The following TMEM116 variants were observed in gnomAD, a reference collection of about 807,000 sequenced individuals.
TMEM116 encodes transmembrane protein 116.
TMEM116 carries 38 observed loss-of-function variants against 44.3 expected under a neutral mutation model. That is an observed-to-expected ratio of 0.86 (90% confidence interval 0.66 to 1.12). TMEM116 has a LOEUF of 1.12. TMEM116 is among the 50% of genes most tolerant of loss of function. The pLI, the probability that TMEM116 is intolerant of heterozygous loss-of-function variation, is 0.00. For synonymous variants in TMEM116, 132 were observed against 144.8 expected (o/e 0.91, Z 0.64); for missense variants, 354 against 401.7 (o/e 0.88, Z 1.01).
At chr12:111,944,647 G>C (rs538191774) in intron 4 of TMEM116, among the ~76,000 whole-genome samples, 1 of 152,264 alleles carries the variant, frequency 6.6e-6, no homozygotes, top group African/African-American at 2.4e-5. Flanking sequence ...GTAAGACAAT[G>C]CTCAGGAGAG....
chr12:111,953,349 A>G (rs1565892546), intron 4 of TMEM116, among the ~76,000 whole-genome samples: 1 of 152,220 alleles, frequency 6.6e-6, no homozygotes, highest in Non-Finnish European at 1.5e-5. Flanking sequence ...ATAATTTTCA[A>G]TCAAACAACC....
rs199679612 is a variant in TMEM116 at position 111,931,783 on chromosome 12, A to G, written c.852T>C (p.Tyr284=). The G allele has an allele frequency of 8.8e-6, 14 of 1,589,096 alleles. No individual in the cohort carries two copies. In the Admixed American group the frequency reaches 2.1e-4, roughly 24 times the overall value. The change falls in exon 11 of 11, where the codon TAT becomes TAC. Residue 284 remains tyrosine, a synonymous_variant. Coordinates refer to ENST00000552374, the MANE Select transcript of TMEM116 (RefSeq NM_001193531.2). Reference sequence around the variant, plus strand: ...GGTGGAATTTGTGCTGCGTCCAGCCATATACTCCACAGTTGAGTAGACCCT... The same window carrying G: ...GGTGGAATTTGTGCTGCGTCCAGCCGTATACTCCACAGTTGAGTAGACCCT... ...TSQGLLNCGV[Y]GWTQHKFHQL...
At chr12:111,968,570 A>G (rs1416078918) in intron 4 of TMEM116, among the ~76,000 whole-genome samples, 1 of 152,254 alleles carries the variant, frequency 6.6e-6, no homozygotes, top group East Asian at 1.9e-4. Context: ...TAAGGAGAAT[A>G]CTAAATCAAC....
At chr12:112,000,089 T>C (rs1390208258) in intron 3 of TMEM116, among the ~76,000 whole-genome samples, 1 of 152,206 alleles carries the variant, frequency 6.6e-6, no homozygotes, top group Non-Finnish European at 1.5e-5. Flanking sequence ...AATAAATGCA[T>C]TAAAAAAGTA....
intron 3 of TMEM116, among the ~76,000 whole-genome samples, chr12:112,001,807 T>C (rs574642932): frequency 3.3e-5 from 5 of 152,354 alleles, no homozygotes; most frequent in African/African-American, 9.6e-5. Flanking sequence ...AGCAAGACTT[T>C]TACTTTCCAG....
intron 4 of TMEM116, among the ~76,000 whole-genome samples, chr12:111,963,021 CAAAAG>C (rs2074706617): frequency 2.0e-5 from 3 of 152,072 alleles, no homozygotes; most frequent in Admixed American, 6.6e-5. Flanking sequence ...AGACACTTCT[CAAAAG>C]AAGACATTAT....
At position 111,931,674 on chromosome 12, in the gene TMEM116, T is replaced by G. The variant is rs1565857207; in HGVS notation, c.961A>C (p.Asn321His). The G allele has an allele frequency of 6.2e-7, 1 of 1,614,186 alleles. No individual in the cohort carries two copies. The highest frequency in any genetic ancestry group is 8.5e-7 in the Non-Finnish European group (1 of 1,180,030). The change falls in exon 11 of 11, where the codon AAT (asparagine) becomes CAT (histidine). Residue 321 changes from asparagine (N) to histidine (H), a missense_variant. Asn to His is a moderately conservative substitution (Grantham distance 68). Transcript: ENST00000552374. The part of the protein sequence containing the change: ...SQKRFYSRGL[N>H]SLESTLTFPA... ...AAAGTCAGGGTGGATTCCAGTGAAT[T>G]TAAGCCCCTGCTATAGAATCTCTTC...
intron 3 of TMEM116, among the ~76,000 whole-genome samples, chr12:111,999,323 C>T (rs772545147): frequency 6.9e-4 from 105 of 152,144 alleles, no homozygotes; most frequent in Non-Finnish European, 1.1e-3. Context: ...CTTGGCCGGG[C>T]GCGGTGACTC....
At chr12:111,969,379 ATAATGGATGAGTTTTTT>A (rs1237301099) in intron 4 of TMEM116, among the ~76,000 whole-genome samples, 1 of 150,034 alleles carries the variant, frequency 6.7e-6, no homozygotes, top group East Asian at 2.0e-4. Context: ...CAGTGCAACT[ATAATGGATGAGTTTTTT>A]TGTTTATTTA....
intron 4 of TMEM116, among the ~76,000 whole-genome samples, chr12:111,957,506 C>A (rs558796699): frequency 2.1e-4 from 32 of 151,090 alleles, no homozygotes; most frequent in African/African-American, 7.5e-4. Flanking sequence ...GGGCAGCGCC[C>A]CCCTGGCCAG....
chr12:111,931,579 C>T lies in TMEM116; in HGVS notation c.*42G>A, dbSNP rs747105628. 8.9e-6 allele frequency: 14 copies of T among 1,565,846 alleles called. No individual in the cohort carries two copies. Among genetic ancestry groups the T allele is most frequent in the South Asian group, 4.4e-5 (4 of 90,006 alleles). On this transcript the variant is annotated 3_prime_UTR_variant, in exon 11 of 11. Coordinates refer to ENST00000552374, the MANE Select transcript of TMEM116 (RefSeq NM_001193531.2). ...CCCAACATTCTTTCCAATCCATTAGCGTAGAATAACTCCAGTTCCTGGATG... is the reference window on the plus strand; with the variant it reads ...CCCAACATTCTTTCCAATCCATTAGTGTAGAATAACTCCAGTTCCTGGATG...
chr12:112,002,078 T>C (rs2077288075), intron 3 of TMEM116, among the ~76,000 whole-genome samples: 1 of 152,202 alleles, frequency 6.6e-6, no homozygotes, highest in Admixed American at 6.6e-5. Context: ...AAAAATACAC[T>C]GAAAGCACTG....
chr12:111,981,431 G>A (rs967803062), intron 4 of TMEM116, among the ~76,000 whole-genome samples: 2 of 152,190 alleles, frequency 1.3e-5, no homozygotes, highest in Admixed American at 1.3e-4. Context: ...CCTGTTGCAG[G>A]TTGTTAGTGC....
rs531461854 is a variant in TMEM116 at position 111,980,835 on chromosome 12, A to G, written c.210+10923T>C. Among the ~76,000 whole-genome samples, 8 of 152,306 alleles carry G rather than the reference A, an allele frequency of 5.3e-5. No individual in the cohort carries two copies. The South Asian group carries it at 1.7e-3, about 32-fold the overall frequency. Reference sequence around the variant, plus strand: ...ATGCCTGTAATCTCAGCACTTTGGAAGGCTGAGGTGGGCAGATTGCATGAG... The same window carrying G: ...ATGCCTGTAATCTCAGCACTTTGGAGGGCTGAGGTGGGCAGATTGCATGAG... On this transcript the variant is annotated intron_variant, in intron 4 of 10. Coordinates refer to ENST00000552374, the MANE Select transcript of TMEM116 (RefSeq NM_001193531.2).
chr12:111,983,278 A>G (rs1321839956), intron 4 of TMEM116, among the ~76,000 whole-genome samples: 2 of 152,126 alleles, frequency 1.3e-5, no homozygotes, highest in African/African-American at 2.4e-5. Context: ...TCTACTAAAA[A>G]TACAAAAATT....
intron 4 of TMEM116, among the ~76,000 whole-genome samples, chr12:111,985,608 GA>G (rs1394872356): frequency 1.3e-5 from 2 of 151,500 alleles, no homozygotes; most frequent in African/African-American, 4.8e-5. Context: ...TTGTTTTTTT[GA>G]GACAAGGTCT....
intron 4 of TMEM116, among the ~76,000 whole-genome samples, chr12:111,951,950 C>A (rs1593349782): frequency 6.6e-6 from 1 of 151,886 alleles, no homozygotes; most frequent in East Asian, 2.0e-4. Context: ...GGTGGCTTGG[C>A]CGGGTGCGGT....
At chr12:111,960,640 A>C (rs2074515155) in intron 4 of TMEM116, among the ~76,000 whole-genome samples, 1 of 152,144 alleles carries the variant, frequency 6.6e-6, no homozygotes, top group African/African-American at 2.4e-5. Context: ...GAGAACAAAG[A>C]CACAACATAC....
At chr12:111,965,188 AT>A (rs752214110) in intron 4 of TMEM116, among the ~76,000 whole-genome samples, 1 of 150,602 alleles carries the variant, frequency 6.6e-6, no homozygotes, top group East Asian at 1.9e-4. Flanking sequence ...TCCTACCCCC[AT>A]TTTTTTTTCC....
Sources: gnomAD v4.1 joint callset for allele counts (sites outside exome capture counted in the v4.1 genomes callset) on GRCh38, gnomAD v4.1.1 for gene constraint, MANE v1.5 for transcripts, NCBI Gene and HGNC (gene_info 2026-07-23, HGNC 2026-07-21) for gene names.